The following MPHOSPH8 variants were observed in gnomAD, a reference collection of about 807,000 sequenced individuals.
MPHOSPH8 encodes M-phase phosphoprotein 8, also known as M-phase phosphoprotein, mpp.
In MPHOSPH8, 45 loss-of-function variants were observed where a neutral mutation model predicts 87.3. The ratio of observed to expected loss-of-function variants is 0.52; its 90% CI spans 0.41 to 0.66. MPHOSPH8 has a LOEUF of 0.66. Among genes scored for constraint, MPHOSPH8 ranks in the 30% least tolerant of loss-of-function variants. The pLI is 0.00. For synonymous variants in MPHOSPH8, 366 were observed against 376.9 expected, an observed-to-expected ratio of 0.97 and a Z score of 0.33; for missense variants, 883 against 1,020.2, an observed-to-expected ratio of 0.87 and a Z score of 1.83.
rs764239880 is a variant in MPHOSPH8, at chr13:19,672,496, CT to C, written c.*623del. 8.2e-6 allele frequency: 1 copy of C among 122,014 alleles called. No individual in the cohort carries two copies. The highest frequency in any genetic ancestry group is 1.6e-5 in the Non-Finnish European group (1 of 61,320). The allele number at this position is 122,014 out of a possible 1,614,324, so 7.6% of individuals were successfully genotyped here. Reference sequence around the variant, plus strand: ...CTACTAGCCCTGGTGAACTTCTGTGCTTAAAAAAAAAAAAAAAAAAAGGAAA... The same window carrying C: ...CTACTAGCCCTGGTGAACTTCTGTGCTAAAAAAAAAAAAAAAAAAAGGAAA... On this transcript the variant is annotated 3_prime_UTR_variant, in exon 14 of 14. Coordinates refer to ENST00000361479, the MANE Select transcript of MPHOSPH8 (RefSeq NM_017520.4).
chr13:19,650,354 A>C (rs1191593389), intron 5 of MPHOSPH8, 94 bp downstream of exon 5: 20 of 1,386,272 alleles, frequency 1.4e-5, no homozygotes, highest in Middle Eastern at 1.9e-4. Flanking sequence ...AACGATCAAA[A>C]AATAATGGAG....
At chr13:19,642,925 G>A (rs1249767009) in intron 2 of MPHOSPH8, among the ~76,000 whole-genome samples, 1 of 152,166 alleles carries the variant, frequency 6.6e-6, no homozygotes, top group Non-Finnish European at 1.5e-5. Context: ...GAGCATGTGT[G>A]TATACTACAT....
At position 19,646,520 on chromosome 13, in the gene MPHOSPH8, C is replaced by A; in HGVS notation, c.447C>A (p.Ser149=). 1 of 1,570,456 alleles carries A rather than the reference C, an allele frequency of 6.4e-7. No individual in the cohort carries two copies. The highest frequency in any genetic ancestry group is 1.2e-5 in the South Asian group (1 of 82,374). ...DQQSETKEDT[S]PKKKKKKLRQ... ...AAAGTGAGACAAAAGAAGATACTTC[C>A]CCAAAGAAGAAAAAGAAAAAATTGA... Residue 149 remains serine (S), a synonymous_variant, in exon 3 of 14, where the codon TCC becomes TCA. Transcript: ENST00000361479.
intron 7 of MPHOSPH8, chr13:19,659,628 C>T: frequency 2.5e-6 from 1 of 404,590 alleles, no homozygotes; most frequent in Non-Finnish European, 4.8e-6. Flanking sequence ...CACACCACTG[C>T]ACCCCAGCCT....
chr13:19,658,864 C>T (rs940175237), intron 5 of MPHOSPH8, 131 bp from the exon 6 acceptor site: 4 of 1,118,844 alleles, frequency 3.6e-6, no homozygotes, highest in Admixed American at 4.9e-5. Flanking sequence ...TTAAAAGACC[C>T]CATTATACAA....
At chr13:19,668,666 A>C in intron 11 of MPHOSPH8, 135 bp downstream of exon 11, 1 of 966,268 alleles carries the variant, frequency 1.0e-6, no homozygotes, top group Non-Finnish European at 1.5e-6. Context: ...AGACCGGTTA[A>C]CAGTAGAGCC....
chr13:19,663,484 A>G (rs2137537079), intron 9 of MPHOSPH8, among the ~76,000 whole-genome samples: 1 of 152,350 alleles, frequency 6.6e-6, no homozygotes, highest in Middle Eastern at 3.4e-3. Flanking sequence ...CAGCTGGAGC[A>G]GCAGGGAGGC....
chr13:19,657,946 CCT>C (rs1565940370), intron 5 of MPHOSPH8, among the ~76,000 whole-genome samples: 2 of 152,194 alleles, frequency 1.3e-5, no homozygotes, highest in African/African-American at 4.8e-5. Flanking sequence ...CCTCTCCCAG[CCT>C]CTCTCATCTG....
In MPHOSPH8 at chr13:19,671,898, A is replaced by C; in HGVS notation, c.*23A>C. 1 of 1,610,892 alleles carries C rather than the reference A, an allele frequency of 6.2e-7. No individual in the cohort carries two copies. Among genetic ancestry groups the C allele is most frequent in the South Asian group, 1.1e-5 (1 of 91,012 alleles). On this transcript the variant is annotated 3_prime_UTR_variant, in exon 14 of 14. Transcript: ENST00000361479. ...TGACCAAACAGAAGGGACTGGGCGG[A>C]GTTCTCTTCAGACCGATTCCTATAC...
chr13:19,673,087 G>GTTT lies in MPHOSPH8; in HGVS notation c.*1212_*1213insTTT. 1 of 52,654 alleles carries GTTT rather than the reference G, an allele frequency of 1.9e-5. No homozygotes were observed. Among genetic ancestry groups the GTTT allele is most frequent in the Non-Finnish European group, 6.0e-5 (1 of 16,754 alleles). 3.3% of individuals were successfully genotyped at this position (52,654 alleles called of 1,614,324 possible). A position where few individuals can be genotyped will look rare whatever the true frequency, so the allele number is the denominator to read the frequency against. On this transcript the variant is annotated 3_prime_UTR_variant, in exon 14 of 14. Coordinates refer to ENST00000361479, the MANE Select transcript of MPHOSPH8 (RefSeq NM_017520.4). The stretch of plus-strand genomic sequence containing the variant: ...AAAAAAAGTTTCTTGGAACCTATAC[G>GTTT]GTTTTTTTTTGTTTTTTTTTTTTGA...
At chr13:19,637,423 T>A (rs1874065087) in intron 1 of MPHOSPH8, among the ~76,000 whole-genome samples, 1 of 152,206 alleles carries the variant, frequency 6.6e-6, no homozygotes, top group South Asian at 2.1e-4. Context: ...TCTGTTTATG[T>A]ACATTTTTTT....
chr13:19,639,934 A>G (rs1051694333), intron 1 of MPHOSPH8, among the ~76,000 whole-genome samples: 1 of 152,070 alleles, frequency 6.6e-6, no homozygotes, highest in African/African-American at 2.4e-5. Context: ...CCGAAACCCC[A>G]TCTCTACTAA....
In MPHOSPH8 at chr13:19,668,424, G is replaced by A. The variant is rs1035355252; in HGVS notation, c.2222G>A (p.Arg741His). ...EETIKDYFEARLALLEPVFPI... is the reference protein window; with the variant it reads ...EETIKDYFEAHLALLEPVFPI... ...ACAATAAAGGATTACTTTGAAGCTCGCCTTGCTCTGCTAGAACCAGTTTTT... is the reference window on the plus strand; with the variant it reads ...ACAATAAAGGATTACTTTGAAGCTCACCTTGCTCTGCTAGAACCAGTTTTT... The change falls in exon 11 of 14, where the codon CGC (arginine) becomes CAC (histidine). Residue 741 changes from arginine (R) to histidine (H), a missense_variant. Around this residue, in one of 3 missense-constraint regions of MPHOSPH8, gnomAD observed 741 missense variants for 841.5 expected, o/e 0.88. Transcript: ENST00000361479. 9 of 1,613,858 alleles carry A rather than the reference G, an allele frequency of 5.6e-6. No homozygotes were observed. Among genetic ancestry groups the A allele is most frequent in the South Asian group, 4.4e-5 (4 of 91,058 alleles).
intron 1 of MPHOSPH8, among the ~76,000 whole-genome samples, chr13:19,635,046 G>A (rs1337772396): frequency 6.6e-6 from 1 of 152,226 alleles, no homozygotes; most frequent in Non-Finnish European, 1.5e-5. Flanking sequence ...CCTATGAGGA[G>A]TTAAGTAATT....
Position 19,650,047 on chromosome 13 carries a change from C to T in MPHOSPH8, c.1363C>T (p.Pro455Ser). The change falls in exon 5 of 14, where the codon CCA becomes TCA. Residue 455 changes from proline to serine, a missense_variant. Pro to Ser is a moderately conservative substitution (Grantham distance 74). Coordinates refer to ENST00000361479, the MANE Select transcript of MPHOSPH8 (RefSeq NM_017520.4). ...RNAFDLFKLT[P>S]EEKNDVSENN... ...TGCATTTGATTTATTTAAATTAACT[C>T]CAGAAGAAAAAAATGATGTTTCTGA... 6.2e-7 allele frequency: 1 copy of T among 1,605,754 alleles called. No individual in the cohort carries two copies. Among genetic ancestry groups the T allele is most frequent in the Non-Finnish European group, 8.5e-7 (1 of 1,176,134 alleles).
intron 3 of MPHOSPH8, 47 bp downstream of exon 3, chr13:19,647,338 A>G: frequency 6.8e-7 from 1 of 1,472,630 alleles, no homozygotes; most frequent in Non-Finnish European, 9.1e-7. Context: ...AGTGGTCAAG[A>G]CATTTCACAA....
chr13:19,665,673 C>G (rs1213062727), intron 9 of MPHOSPH8, among the ~76,000 whole-genome samples: 1 of 152,198 alleles, frequency 6.6e-6, no homozygotes, highest in Non-Finnish European at 1.5e-5. Context: ...GGAGTGCCAC[C>G]GCTCCTGGAG....
chr13:19,662,707 A>T (rs1284046458), intron 8 of MPHOSPH8, among the ~76,000 whole-genome samples: 1 of 152,158 alleles, frequency 6.6e-6, no homozygotes, highest in Non-Finnish European at 1.5e-5. Flanking sequence ...AGATAATTTA[A>T]TTTTTTTGAA....
intron 5 of MPHOSPH8, among the ~76,000 whole-genome samples, chr13:19,658,403 C>T (rs1363371840): frequency 6.6e-6 from 1 of 152,194 alleles, no homozygotes; most frequent in Non-Finnish European, 1.5e-5. Flanking sequence ...GTGATAAAGG[C>T]TGAACACATG....
Sources: gnomAD v4.1 joint callset for allele counts (sites outside exome capture counted in the v4.1 genomes callset) on GRCh38, gnomAD v4.1.1 for gene constraint, gnomAD v4.1.1 regional missense constraint, MANE v1.5 for transcripts, NCBI Gene and HGNC (gene_info 2026-07-23, HGNC 2026-07-21) for gene names.